Variants in ADGRB3 observed in about 807,000 individuals in gnomAD.
ADGRB3 encodes the protein adhesion G protein-coupled receptor B3.
Under a neutral mutation model 193.4 loss-of-function variants are expected in ADGRB3, and 37 were observed. That is an observed-to-expected ratio of 0.19 (90% CI 0.15 to 0.25). The LOEUF (loss-of-function observed/expected upper bound fraction) is 0.25. ADGRB3 is among the 10% of genes least tolerant of loss of function. The pLI is 1.00. For synonymous variants in ADGRB3, 690 were observed against 644.2 expected (o/e 1.07, Z -1.08); for missense variants, 1,637 against 1,852.9 (o/e 0.88, Z 2.14).
chr6:69,191,277 C>G (rs58611266), intron 17 of ADGRB3, among the ~76,000 whole-genome samples: 339 of 152,064 alleles, frequency 2.2e-3, no homozygotes, highest in African/African-American at 7.7e-3. Context: ...TCAATATCAG[C>G]AACTTCAGAT....
intron 3 of ADGRB3, among the ~76,000 whole-genome samples, chr6:68,853,185 T>A (rs965864539): frequency 2.0e-5 from 3 of 152,074 alleles, no homozygotes; most frequent in Non-Finnish European, 4.4e-5. Flanking sequence ...TATGCAATCA[T>A]GACAAGCCAA....
At chr6:68,868,331 C>T (rs949685023) in intron 3 of ADGRB3, among the ~76,000 whole-genome samples, 1 of 152,166 alleles carries the variant, frequency 6.6e-6, no homozygotes, top group Non-Finnish European at 1.5e-5. Flanking sequence ...TCCCATTCAC[C>T]TTCCGCCATG....
At chr6:69,286,685 T>TAAATA (rs1355038249) in intron 20 of ADGRB3, among the ~76,000 whole-genome samples, 7 of 152,158 alleles carry the variant, frequency 4.6e-5, no homozygotes, top group Admixed American at 1.3e-4. Flanking sequence ...ACTAGAAACT[T>TAAATA]GAATTAAAAA....
intron 10 of ADGRB3, among the ~76,000 whole-genome samples, chr6:68,991,129 A>T (rs1769225948): frequency 6.6e-6 from 1 of 152,078 alleles, no homozygotes; most frequent in African/African-American, 2.4e-5. Context: ...TGTTTGTCTC[A>T]TGCTATTTGT....
intron 3 of ADGRB3, among the ~76,000 whole-genome samples, chr6:68,694,500 A>AAAGGATG (rs745978402): frequency 4.0e-5 from 6 of 151,858 alleles, no homozygotes; most frequent in Non-Finnish European, 8.8e-5. Flanking sequence ...GGTGTGTATG[A>AAAGGATG]AAGGGCTAAT....
At chr6:69,282,432 G>T (rs1314910015) in intron 20 of ADGRB3, among the ~76,000 whole-genome samples, 1 of 152,110 alleles carries the variant, frequency 6.6e-6, no homozygotes. Context: ...GAAGGCACGG[G>T]AGAGTCTAAA....
At chr6:69,343,756 C>G (rs1242702926) in intron 26 of ADGRB3, among the ~76,000 whole-genome samples, 2 of 151,910 alleles carry the variant, frequency 1.3e-5, no homozygotes, top group African/African-American at 2.4e-5. Context: ...AAAAAAGAAG[C>G]CATCTGATTC....
chr6:69,247,890 A>G (rs1482719953), intron 20 of ADGRB3, among the ~76,000 whole-genome samples: 1 of 151,576 alleles, frequency 6.6e-6, no homozygotes, highest in Admixed American at 6.6e-5. Context: ...ATGGAGGTCA[A>G]TTTTTTTTTA....
chr6:68,800,157 G>A (rs970410622), intron 3 of ADGRB3, among the ~76,000 whole-genome samples: 7 of 151,998 alleles, frequency 4.6e-5, no homozygotes, highest in African/African-American at 1.5e-4. Context: ...ATTGAAGAGT[G>A]GTTAAATTCA....
At chr6:68,930,384 A>G (rs1767305411) in intron 3 of ADGRB3, among the ~76,000 whole-genome samples, 175 bp from the exon 4 acceptor site, 1 of 151,974 alleles carries the variant, frequency 6.6e-6, no homozygotes, top group East Asian at 1.9e-4. Flanking sequence ...TCATGTTTAT[A>G]GGTTTTCTGA....
At chr6:69,303,985 C>A (rs1400487075) in intron 20 of ADGRB3, among the ~76,000 whole-genome samples, 1 of 151,904 alleles carries the variant, frequency 6.6e-6, no homozygotes, top group Non-Finnish European at 1.5e-5. Context: ...GGATCCAAGT[C>A]TATTATAAGA....
intron 26 of ADGRB3, among the ~76,000 whole-genome samples, chr6:69,349,964 TA>T (rs1480406489): frequency 1.3e-5 from 2 of 152,200 alleles, no homozygotes; most frequent in Non-Finnish European, 2.9e-5. Context: ...TAGCAGTCTC[TA>T]ACTCTGGCAC....
At chr6:69,358,289 G>T (rs1195500027) in intron 28 of ADGRB3, among the ~76,000 whole-genome samples, 1 of 151,828 alleles carries the variant, frequency 6.6e-6, no homozygotes, top group Non-Finnish European at 1.5e-5. Context: ...GGAGGTTGGG[G>T]TATAGGAACT....
intron 3 of ADGRB3, among the ~76,000 whole-genome samples, chr6:68,842,402 C>T (rs767372796): frequency 2.6e-5 from 4 of 151,790 alleles, no homozygotes; most frequent in Non-Finnish European, 5.9e-5. Flanking sequence ...TAACTATACA[C>T]CTATAAATTG....
At position 69,191,207 on chromosome 6, in the gene ADGRB3, C is replaced by T. The variant is rs548067678; in HGVS notation, c.2481-42083C>T. Among the ~76,000 whole-genome samples the T allele has an allele frequency of 2.0e-5, 3 of 152,238 alleles. No homozygotes were observed. In the South Asian group the frequency reaches 6.2e-4, roughly 32 times the overall value. On this transcript the variant is annotated intron_variant, in intron 17 of 31. Transcript: ENST00000370598. ...ATAAATCTAAGACTAGAACTCATCA[C>T]TTTGTACTCCTAGTTCAATGGTTTT...
At chr6:68,644,554 G>A (rs553662164) in intron 3 of ADGRB3, among the ~76,000 whole-genome samples, 1 of 152,130 alleles carries the variant, frequency 6.6e-6, no homozygotes, top group African/African-American at 2.4e-5. Context: ...AACATAAGCT[G>A]TCTTTCCAAG....
At chr6:69,200,866 A>C (rs1339111788) in intron 17 of ADGRB3, among the ~76,000 whole-genome samples, 1 of 152,158 alleles carries the variant, frequency 6.6e-6, no homozygotes, top group African/African-American at 2.4e-5. Flanking sequence ...AGTTTTTTTT[A>C]AGCTGACACT....
At chr6:68,986,746 C>G (rs1769087938) in intron 10 of ADGRB3, among the ~76,000 whole-genome samples, 1 of 152,046 alleles carries the variant, frequency 6.6e-6, no homozygotes, top group Non-Finnish European at 1.5e-5. Context: ...ACTGTGAAAG[C>G]CTTTAACATA....
chr6:69,121,293 G>A (rs1773678565), intron 17 of ADGRB3, among the ~76,000 whole-genome samples: 2 of 152,174 alleles, frequency 1.3e-5, no homozygotes, highest in South Asian at 4.1e-4. Context: ...AGTTGACACA[G>A]CACATGTTTC....
Sources: gnomAD v4.1 joint callset for allele counts (sites outside exome capture counted in the v4.1 genomes callset) on GRCh38, gnomAD v4.1.1 for gene constraint, MANE v1.5 for transcripts, NCBI Gene and HGNC (gene_info 2026-07-23, HGNC 2026-07-21) for gene names.